The following CTNNA2 variants were observed in gnomAD, a reference collection of about 807,000 sequenced individuals.
CTNNA2 encodes the protein catenin alpha 2.
CTNNA2 carries 42 observed loss-of-function variants against 101.0 expected under a neutral mutation model. The ratio of observed to expected loss-of-function variants is 0.42; its 90% confidence interval spans 0.32 to 0.54. CTNNA2 has a LOEUF of 0.54. Among genes scored for constraint, CTNNA2 ranks in the 20% least tolerant of loss-of-function variants. CTNNA2 has a pLI of 0.14. For missense variants in CTNNA2, 871 were observed against 1,223.1 expected (o/e 0.71, Z 4.29); for synonymous variants, 450 against 456.4 (o/e 0.99, Z 0.18).
chr2:79,637,001 G>A (rs965774608), intron 1 of CTNNA2: 2 of 152,080 alleles, frequency 1.3e-5, no homozygotes, highest in African/African-American at 4.8e-5. Context: ...AAGATCATTT[G>A]TAATTTTGCA....
intron 1 of CTNNA2, among the ~76,000 whole-genome samples, chr2:79,194,352 C>G (rs761586684): frequency 2.0e-5 from 3 of 152,118 alleles, no homozygotes; most frequent in Non-Finnish European, 4.4e-5. Context: ...CTTAAGGAGT[C>G]AGTTGACTGG....
chr2:80,492,178 T>A (rs1324179139), intron 9 of CTNNA2, among the ~76,000 whole-genome samples: 2 of 152,170 alleles, frequency 1.3e-5, no homozygotes, highest in African/African-American at 4.8e-5. Context: ...TTGAGTGTAT[T>A]CTCACGAGAT....
chr2:79,825,179 A>C (rs1678327263), intron 3 of CTNNA2, among the ~76,000 whole-genome samples: 1 of 152,132 alleles, frequency 6.6e-6, no homozygotes, highest in African/African-American at 2.4e-5. Context: ...ACAGAGGGAG[A>C]TCCTGGCTCC....
intron 1 of CTNNA2, among the ~76,000 whole-genome samples, chr2:79,601,694 A>G (rs1677562165): frequency 6.6e-6 from 1 of 152,268 alleles, no homozygotes; most frequent in South Asian, 2.1e-4. Context: ...GGTAAAATAC[A>G]GACTTTCCAG....
intron 7 of CTNNA2, among the ~76,000 whole-genome samples, chr2:79,991,548 G>A (rs1482933073): frequency 1.3e-5 from 2 of 152,158 alleles, no homozygotes; most frequent in Non-Finnish European, 2.9e-5. Flanking sequence ...TGAATCCATT[G>A]AATATGAGAT....
At chr2:80,348,493 T>C (rs917682025) in intron 7 of CTNNA2, among the ~76,000 whole-genome samples, 8 of 152,166 alleles carry the variant, frequency 5.3e-5, no homozygotes, top group African/African-American at 1.9e-4. Context: ...CAGCCGGTCA[T>C]TGGAAAAGCC....
intron 9 of CTNNA2, among the ~76,000 whole-genome samples, chr2:80,507,292 A>G (rs1234791536): frequency 8.6e-6 from 1 of 116,656 alleles, no homozygotes; most frequent in Non-Finnish European, 1.8e-5. Flanking sequence ...CACCACCATC[A>G]TCACCTAGGC....
At chr2:79,606,501 A>G (rs899235172) in intron 1 of CTNNA2, among the ~76,000 whole-genome samples, 1 of 151,912 alleles carries the variant, frequency 6.6e-6, no homozygotes, top group East Asian at 1.9e-4. Context: ...ACCTCCTGAC[A>G]TCCTGATCCT....
At chr2:80,413,701 TTG>T (rs1037278796) in intron 8 of CTNNA2, among the ~76,000 whole-genome samples, 2 of 152,312 alleles carry the variant, frequency 1.3e-5, no homozygotes, top group African/African-American at 4.8e-5. Flanking sequence ...CTCAGTCACT[TTG>T]TTGCTTTGAT....
At chr2:79,846,634 A>T (rs1407227211) in intron 3 of CTNNA2, among the ~76,000 whole-genome samples, 1 of 152,202 alleles carries the variant, frequency 6.6e-6, no homozygotes, top group Non-Finnish European at 1.5e-5. Context: ...TTTCCTCCAA[A>T]GTATATGGAA....
intron 2 of CTNNA2, among the ~76,000 whole-genome samples, chr2:79,199,628 G>A (rs1397999567): frequency 6.6e-6 from 1 of 152,118 alleles, no homozygotes; most frequent in Non-Finnish European, 1.5e-5. Flanking sequence ...AATAATAGTT[G>A]CACTAGTCAG....
At chr2:80,025,352 A>G (rs1221489032) in intron 7 of CTNNA2, among the ~76,000 whole-genome samples, 1 of 152,160 alleles carries the variant, frequency 6.6e-6, no homozygotes, top group Non-Finnish European at 1.5e-5. Context: ...TATCAGAGGG[A>G]TGAGAGCACC....
chr2:80,207,040 G>A (rs1316439537), intron 7 of CTNNA2, among the ~76,000 whole-genome samples: 1 of 152,120 alleles, frequency 6.6e-6, no homozygotes, highest in African/African-American at 2.4e-5. Flanking sequence ...TTCTGGTTGT[G>A]TGACTTTGCT....
Position 80,303,936 on chromosome 2 carries a change from A to C in CTNNA2, c.1057-89275A>C. On this transcript the variant is annotated intron_variant, in intron 7 of 18. Transcript: ENST00000402739. This position sits in a 1 kb window ranked among gnomAD's most constrained non-coding sequence, Gnocchi z 7.7. ...CGGGGGAGGGGGAGAAAAGGGCAAA[A>C]AATCAAATAAATACATAGAAATAAA... is the stretch of plus-strand genomic sequence containing the variant. 1 of 1,202,842 alleles carries C rather than the reference A, an allele frequency of 8.3e-7. No individual in the cohort carries two copies. Among genetic ancestry groups the C allele is most frequent in the Non-Finnish European group, 1.1e-6 (1 of 895,648 alleles). 74.5% of individuals were successfully genotyped at this position (1,202,842 alleles called of 1,614,324 possible).
intron 7 of CTNNA2, among the ~76,000 whole-genome samples, chr2:80,044,068 T>C (rs892298625): frequency 6.6e-6 from 1 of 152,190 alleles, no homozygotes; most frequent in African/African-American, 2.4e-5. Context: ...TATATCCTCA[T>C]AGGCCTTTTC....
chr2:79,450,931 G>C (rs1324021170), intron 4 of CTNNA2, among the ~76,000 whole-genome samples: 5 of 152,076 alleles, frequency 3.3e-5, no homozygotes, highest in Non-Finnish European at 7.4e-5. Flanking sequence ...TCAAGAACCA[G>C]TTCTGAACAG....
chr2:79,706,511 C>A (rs774347002), intron 2 of CTNNA2, among the ~76,000 whole-genome samples: 1 of 152,100 alleles, frequency 6.6e-6, no homozygotes, highest in Non-Finnish European at 1.5e-5. Flanking sequence ...TGACGTTTCA[C>A]TCTCGGAAAT....
At chr2:79,980,257 A>T (rs1420545770) in intron 7 of CTNNA2, among the ~76,000 whole-genome samples, 2 of 152,288 alleles carry the variant, frequency 1.3e-5, no homozygotes, top group Admixed American at 1.3e-4. Flanking sequence ...GTCATTTTTA[A>T]ATGCAAGTTT....
intron 18 of CTNNA2, among the ~76,000 whole-genome samples, chr2:80,640,810 A>T (rs1673389019): frequency 6.6e-6 from 1 of 151,492 alleles, no homozygotes; most frequent in Non-Finnish European, 1.5e-5. Context: ...CCTTTGAGGG[A>T]GATAACAGTT....
Sources: allele counts gnomAD v4.1 joint callset (sites outside exome capture counted in the v4.1 genomes callset), GRCh38; gene constraint gnomAD v4.1.1; non-coding constraint Gnocchi (gnomAD v3.1); transcripts MANE v1.5; gene names NCBI Gene and HGNC (gene_info 2026-07-23, HGNC 2026-07-21).